The following SORCS2 variants were observed in gnomAD, a reference collection of about 807,000 sequenced individuals.
SORCS2 encodes sortilin related VPS10 domain containing receptor 2, also known as VPS10 domain-containing receptor SorCS2.
SORCS2 carries 100 observed loss-of-function variants against 141.6 expected under a neutral mutation model. The observed-to-expected ratio is 0.71, with a 90% confidence interval of 0.60 to 0.83. SORCS2 has a LOEUF of 0.83. Among genes scored for constraint, SORCS2 ranks in the 40% least tolerant of loss-of-function variants. The pLI, the probability that SORCS2 is intolerant of heterozygous loss-of-function variation, is 0.00. For synonymous variants in SORCS2, 789 were observed against 676.9 expected (o/e 1.17, Z -2.57); for missense variants, 1,646 against 1,560.2 (o/e 1.05, Z -0.93).
At chr4:7,661,380 A>T in intron 5 of SORCS2, 120 bp from the exon 6 acceptor site, 1 of 1,048,462 alleles carries the variant, frequency 9.5e-7, no homozygotes, top group Non-Finnish European at 1.4e-6. Context: ...CTCCGGACCC[A>T]CAGAGCAAGG....
intron 1 of SORCS2, among the ~76,000 whole-genome samples, chr4:7,306,602 G>C (rs1324013877): frequency 1.3e-5 from 2 of 152,244 alleles, no homozygotes; most frequent in Non-Finnish European, 2.9e-5. Context: ...CTGAAGGGCG[G>C]TTCCCGTGGG....
chr4:7,701,765 A>G (rs1044342969), intron 12 of SORCS2, among the ~76,000 whole-genome samples: 1 of 152,168 alleles, frequency 6.6e-6, no homozygotes, highest in Non-Finnish European at 1.5e-5. Context: ...TGGAAAACCC[A>G]GCATTCAGAC....
intron 14 of SORCS2, among the ~76,000 whole-genome samples, chr4:7,705,784 G>A (rs1254327207): frequency 2.6e-5 from 4 of 152,246 alleles, no homozygotes; most frequent in African/African-American, 9.6e-5. Flanking sequence ...TCTTCCACTG[G>A]CCCCTGAATG....
chr4:7,480,114 G>T (rs1241709757), intron 2 of SORCS2, among the ~76,000 whole-genome samples: 6 of 152,242 alleles, frequency 3.9e-5, no homozygotes, highest in African/African-American at 7.2e-5. Context: ...GCTGCAGATG[G>T]GTCAGGGTGG....
chr4:7,218,749 A>G (rs1728521570), intron 1 of SORCS2, among the ~76,000 whole-genome samples: 1 of 152,238 alleles, frequency 6.6e-6, no homozygotes, highest in Admixed American at 6.5e-5. Context: ...TCAATATCAT[A>G]ACGATGAATC....
intron 2 of SORCS2, chr4:7,431,752 T>G (rs1376201219): frequency 6.6e-6 from 1 of 152,182 alleles, no homozygotes; most frequent in Admixed American, 6.5e-5. Flanking sequence ...TAGGGGCCAC[T>G]TCTGAGGCAT....
chr4:7,552,500 TA>T (rs929910926), intron 3 of SORCS2, among the ~76,000 whole-genome samples: 1 of 152,108 alleles, frequency 6.6e-6, no homozygotes, highest in Non-Finnish European at 1.5e-5. Context: ...AGGTTCCCTC[TA>T]AACTGACGAT....
intron 1 of SORCS2, among the ~76,000 whole-genome samples, chr4:7,259,700 G>A (rs867097493): frequency 2.6e-5 from 4 of 152,166 alleles, no homozygotes; most frequent in African/African-American, 7.2e-5. Flanking sequence ...TAGGCCCCAC[G>A]CTGTCTTCCA....
chr4:7,351,240 A>C (rs1375178546), intron 1 of SORCS2, among the ~76,000 whole-genome samples: 1 of 152,164 alleles, frequency 6.6e-6, no homozygotes, highest in Non-Finnish European at 1.5e-5. Flanking sequence ...GTTTACTGGC[A>C]CATATTCATA....
chr4:7,210,497 T>G (rs1728000098), intron 1 of SORCS2, among the ~76,000 whole-genome samples: 6 of 152,090 alleles, frequency 3.9e-5, no homozygotes, highest in Admixed American at 3.9e-4. Flanking sequence ...CCCAGGCTGG[T>G]GTTGAACTCC....
At chr4:7,536,119 G>A (rs1015624940) in intron 3 of SORCS2, among the ~76,000 whole-genome samples, 1 of 152,216 alleles carries the variant, frequency 6.6e-6, no homozygotes, top group Non-Finnish European at 1.5e-5. Flanking sequence ...GGGCCAGAGA[G>A]CACGTGGACT....
intron 2 of SORCS2, among the ~76,000 whole-genome samples, chr4:7,441,634 A>G (rs1468311689): frequency 1.3e-5 from 2 of 151,716 alleles, no homozygotes; most frequent in Non-Finnish European, 2.9e-5. Flanking sequence ...CCTCCAGCCC[A>G]GATCACCATC....
intron 3 of SORCS2, among the ~76,000 whole-genome samples, chr4:7,538,788 C>T (rs947265082): frequency 6.6e-6 from 1 of 152,178 alleles, no homozygotes. Context: ...TCGCCCGTGT[C>T]TTCGTAGGGG....
intron 25 of SORCS2, among the ~76,000 whole-genome samples, chr4:7,735,111 G>A (rs1279615621): frequency 6.6e-5 from 10 of 152,198 alleles, no homozygotes; most frequent in South Asian, 6.2e-4. Context: ...AAAGTGACCC[G>A]GCCCCGGCAG....
At chr4:7,634,716 G>A (rs1218125329) in intron 3 of SORCS2, among the ~76,000 whole-genome samples, 1 of 152,162 alleles carries the variant, frequency 6.6e-6, no homozygotes, top group Non-Finnish European at 1.5e-5. Flanking sequence ...CAAGAGGACA[G>A]TGTGGAAAGG....
chr4:7,253,769 G>T (rs1379471824), intron 1 of SORCS2, among the ~76,000 whole-genome samples: 1 of 152,244 alleles, frequency 6.6e-6, no homozygotes, highest in East Asian at 1.9e-4. Context: ...GGAGGCCCCT[G>T]CCTTGCAGGA....
At chr4:7,375,930 C>T (rs1021124558) in intron 1 of SORCS2, among the ~76,000 whole-genome samples, 1 of 152,118 alleles carries the variant, frequency 6.6e-6, no homozygotes, top group Non-Finnish European at 1.5e-5. Context: ...GCCTCAGTGG[C>T]AAATGAGGAT....
intron 1 of SORCS2, among the ~76,000 whole-genome samples, chr4:7,197,801 A>G (rs1727259846): frequency 6.6e-6 from 1 of 152,196 alleles, no homozygotes; most frequent in African/African-American, 2.4e-5. Flanking sequence ...GGACATTGCA[A>G]TTGAGCTTCA....
intron 2 of SORCS2, among the ~76,000 whole-genome samples, chr4:7,448,090 T>C (rs1311014100): frequency 6.6e-6 from 1 of 152,190 alleles, no homozygotes; most frequent in Non-Finnish European, 1.5e-5. Flanking sequence ...CACATCCCTG[T>C]ACGTAGGCGA....
Sources: allele counts gnomAD v4.1 joint callset (sites outside exome capture counted in the v4.1 genomes callset), GRCh38; gene constraint gnomAD v4.1.1; transcripts MANE v1.5; gene names NCBI Gene and HGNC (gene_info 2026-07-23, HGNC 2026-07-21).